The following CSMD1 variants were observed in gnomAD, a reference collection of about 807,000 sequenced individuals.
CSMD1 encodes CUB and sushi domain-containing protein 1.
In CSMD1, 213 loss-of-function variants were observed where a neutral mutation model predicts 417.5. That is an observed-to-expected ratio of 0.51 (90% CI 0.46 to 0.57). The LOEUF is 0.57. Among genes scored for constraint, CSMD1 ranks in the 20% least tolerant of loss-of-function variants. The probability of loss-of-function intolerance (pLI) is 0.00; values close to 1 mark genes in which losing one functional copy is unlikely to be tolerated. For synonymous variants in CSMD1, 2,862 were observed against 1,736.8 expected, an observed-to-expected ratio of 1.65 and a Z score of -16.11; for missense variants, 6,923 against 4,529.7, an observed-to-expected ratio of 1.53 and a Z score of -15.17.
At chr8:3,734,497 C>T (rs1024366009) in intron 6 of CSMD1, among the ~76,000 whole-genome samples, 14 of 152,108 alleles carry the variant, frequency 9.2e-5, no homozygotes, top group Admixed American at 9.2e-4. Flanking sequence ...GATCCCTTGA[C>T]GTCAGGAGTT....
chr8:4,508,160 A>ATT (rs71207096), intron 2 of CSMD1, among the ~76,000 whole-genome samples: 2,283 of 110,350 alleles, frequency 0.021, 54 homozygotes, highest in African/African-American at 0.075. Flanking sequence ...AAGAGGTAAT[A>ATT]TTTTTTTTTT....
At chr8:4,945,861 G>T (rs1003317228) in intron 1 of CSMD1, among the ~76,000 whole-genome samples, 18 of 152,120 alleles carry the variant, frequency 1.2e-4, no homozygotes, top group Non-Finnish European at 1.5e-5. Flanking sequence ...AAACTAGCAG[G>T]ATTTGGCAGA....
At chr8:4,517,202 A>G (rs1359786878) in intron 2 of CSMD1, among the ~76,000 whole-genome samples, 1 of 152,248 alleles carries the variant, frequency 6.6e-6, no homozygotes, top group Admixed American at 6.5e-5. Context: ...TATGAGACAT[A>G]ATGATATCAT....
intron 1 of CSMD1, among the ~76,000 whole-genome samples, chr8:4,770,214 T>C (rs1796531075): frequency 6.7e-6 from 1 of 148,798 alleles, no homozygotes; most frequent in African/African-American, 2.4e-5. Context: ...AATTACTGTA[T>C]ATATATATTC....
rs1806445902 is a variant in CSMD1, at chr8:4,920,986, GAAAGAAAGA to G, written c.85+73337_85+73345del. ...AGAAAGAAAGAAAGAAAGAAACAAA[GAAAGAAAGA>G]AAAGAAAGAAAGAAAGAAAAGAAAG... On this transcript the variant is annotated intron_variant, in intron 1 of 69. Transcript: ENST00000635120. 3.1e-4 allele frequency among the ~76,000 whole-genome samples: 8 copies of G among 25,572 alleles called. 1 individual carries two copies. Among genetic ancestry groups the G allele is most frequent in the Admixed American group, 1.2e-3 (2 of 1,678 alleles). 16.8% of individuals were successfully genotyped at this position (25,572 alleles called of 152,430 possible).
At chr8:3,258,932 G>T (rs140428098) in intron 26 of CSMD1, among the ~76,000 whole-genome samples, 13 of 152,130 alleles carry the variant, frequency 8.5e-5, no homozygotes, top group Admixed American at 6.6e-4. Flanking sequence ...TAGACACTGC[G>T]GTCTCCCGGA....
chr8:4,783,499 T>G (rs1303027483), intron 1 of CSMD1, among the ~76,000 whole-genome samples: 3 of 152,206 alleles, frequency 2.0e-5, no homozygotes, highest in African/African-American at 4.8e-5. Context: ...GTATTGTCAT[T>G]AAATAAAGAA....
rs74615436 is a variant in CSMD1, at chr8:3,580,587, A to G, written c.1223-5521T>C. On this transcript the variant is annotated intron_variant, in intron 9 of 69. Transcript: ENST00000635120. Reference sequence around the variant, plus strand: ...TTGCCAATAACTTAGTAAAAATAATAAGGAGAAAAATATATTTTCTCCCAG... The same window carrying G: ...TTGCCAATAACTTAGTAAAAATAATGAGGAGAAAAATATATTTTCTCCCAG... 6.5e-3 allele frequency among the ~76,000 whole-genome samples: 985 copies of G among 152,314 alleles called. 8 individuals are homozygous for G. The highest frequency in any genetic ancestry group is 0.011 in the Non-Finnish European group (751 of 68,020).
At chr8:3,686,341 T>C (rs1220260805) in intron 7 of CSMD1, among the ~76,000 whole-genome samples, 1 of 152,160 alleles carries the variant, frequency 6.6e-6, no homozygotes, top group Non-Finnish European at 1.5e-5. Flanking sequence ...TTCACTTCTC[T>C]ACGCTTGTCT....
intron 38 of CSMD1, among the ~76,000 whole-genome samples, chr8:3,161,246 T>C (rs1819873818): frequency 6.6e-6 from 1 of 152,130 alleles, no homozygotes; most frequent in South Asian, 2.1e-4. Flanking sequence ...CTAGAAAATA[T>C]TAATAATAAA....
intron 33 of CSMD1, among the ~76,000 whole-genome samples, chr8:3,197,658 G>T (rs1374269936): frequency 6.6e-6 from 1 of 151,876 alleles, no homozygotes; most frequent in East Asian, 2.0e-4. Flanking sequence ...TAGAGACGGG[G>T]TTTCACCATG....
chr8:4,035,042 T>C (rs904055339), intron 3 of CSMD1, among the ~76,000 whole-genome samples: 2 of 152,208 alleles, frequency 1.3e-5, no homozygotes, highest in Non-Finnish European at 2.9e-5. Flanking sequence ...TTGGTATGAA[T>C]AATGCAAATG....
At chr8:4,444,151 G>A (rs1029791041) in intron 2 of CSMD1, among the ~76,000 whole-genome samples, 2 of 151,882 alleles carry the variant, frequency 1.3e-5, no homozygotes, top group African/African-American at 4.8e-5. Context: ...AGACCACTCT[G>A]GCCAACATGG....
rs374513819 is a variant in CSMD1 at position 4,745,464 on chromosome 8, A to G, written c.86-107906T>C. 3.9e-5 allele frequency among the ~76,000 whole-genome samples: 6 copies of G among 152,330 alleles called. No individual in the cohort carries two copies. In the East Asian group the frequency reaches 7.7e-4, roughly 20 times the overall value. On this transcript the variant is annotated intron_variant, in intron 1 of 69. Coordinates refer to ENST00000635120, the MANE Select transcript of CSMD1 (RefSeq NM_033225.6). Reference sequence around the variant, plus strand: ...TTGAAAGAAAGCTCTCTTAGATACTATTTAACACTGTGGTATCATATATTC... The same window carrying G: ...TTGAAAGAAAGCTCTCTTAGATACTGTTTAACACTGTGGTATCATATATTC...
intron 2 of CSMD1, among the ~76,000 whole-genome samples, chr8:4,607,598 C>A (rs931553079): frequency 6.6e-6 from 1 of 152,164 alleles, no homozygotes; most frequent in African/African-American, 2.4e-5. Flanking sequence ...AACTCCATGT[C>A]CGCCAACATC....
intron 3 of CSMD1, among the ~76,000 whole-genome samples, chr8:4,093,232 T>C (rs1800814051): frequency 6.7e-6 from 1 of 150,246 alleles, no homozygotes; most frequent in Admixed American, 6.7e-5. Context: ...TACCTATGTT[T>C]ACATAATACT....
chr8:4,734,867 T>A (rs982081427), intron 1 of CSMD1, among the ~76,000 whole-genome samples: 4 of 152,190 alleles, frequency 2.6e-5, no homozygotes, highest in Non-Finnish European at 5.9e-5. Context: ...AGATTCCATG[T>A]GTGTTTACCC....
chr8:3,850,751 C>A (rs1420971806), intron 5 of CSMD1, among the ~76,000 whole-genome samples: 2 of 151,900 alleles, frequency 1.3e-5, no homozygotes, highest in African/African-American at 4.8e-5. Flanking sequence ...TTGAAATTCG[C>A]ATTTATACAC....
In CSMD1 at chr8:2,965,928, G is replaced by A; in HGVS notation, c.9127C>T (p.Leu3043=). The change falls in exon 59 of 70, where the codon CTA becomes TTA. Residue 3043 remains leucine, a synonymous_variant. Transcript: ENST00000635120. The part of the protein sequence containing the change: ...TIISCGDPGT[L]ANGIQFGTDF... ...GTCCCAAACTGGATGCCATTTGCTA[G>A]TGTGCCTGGATCCCCACAACTTATA... 1 of 1,608,536 alleles carries A rather than the reference G, an allele frequency of 6.2e-7. No homozygotes were observed. Among genetic ancestry groups the A allele is most frequent in the Non-Finnish European group, 8.5e-7 (1 of 1,177,402 alleles).
Sources: gnomAD v4.1 joint callset for allele counts (sites outside exome capture counted in the v4.1 genomes callset) on GRCh38, gnomAD v4.1.1 for gene constraint, MANE v1.5 for transcripts, NCBI Gene and HGNC (gene_info 2026-07-23, HGNC 2026-07-21) for gene names.